The following HNRNPR variants were observed in gnomAD, a reference collection of about 807,000 sequenced individuals.
HNRNPR encodes the protein heterogeneous nuclear ribonucleoprotein R.
HNRNPR carries 4 observed loss-of-function variants against 70.3 expected under a neutral mutation model. The ratio of observed to expected loss-of-function variants is 0.06; its 90% CI spans 0.03 to 0.13. The LOEUF is 0.13. Among genes scored for constraint, HNRNPR ranks in the 10% least tolerant of loss-of-function variants. The probability of loss-of-function intolerance (pLI) is 1.00; values close to 1 mark genes in which losing one functional copy is unlikely to be tolerated. For synonymous variants in HNRNPR, 241 were observed against 267.6 expected, an observed-to-expected ratio of 0.90 and a Z score of 0.97; for missense variants, 423 against 788.5, an observed-to-expected ratio of 0.54 and a Z score of 5.55.
intron 5 of HNRNPR, among the ~76,000 whole-genome samples, 168 bp from the exon 6 acceptor site, chr1:23,323,900 A>G (rs1365194099): frequency 6.6e-6 from 1 of 152,212 alleles, no homozygotes; most frequent in Admixed American, 6.5e-5. Context: ...AATTTTTATT[A>G]TAATGACCTT....
chr1:23,325,670 A>C (rs1344067082), intron 5 of HNRNPR, among the ~76,000 whole-genome samples: 1 of 152,150 alleles, frequency 6.6e-6, no homozygotes, highest in African/African-American at 2.4e-5. Context: ...TAGCCACAAT[A>C]AATAAGCCCA....
intron 5 of HNRNPR, among the ~76,000 whole-genome samples, chr1:23,325,914 G>A (rs757229513): frequency 6.6e-5 from 10 of 152,222 alleles, no homozygotes; most frequent in East Asian, 1.9e-4. Flanking sequence ...AGGCTGCAGC[G>A]CAGTGGCATG....
At chr1:23,332,958 T>A (rs1467997189) in intron 5 of HNRNPR, among the ~76,000 whole-genome samples, 1 of 151,858 alleles carries the variant, frequency 6.6e-6, no homozygotes, top group African/African-American at 2.4e-5. Context: ...CCAAGGTGGG[T>A]GGATAACTTG....
chr1:23,315,278 TCA>T (rs2148333471), intron 8 of HNRNPR, among the ~76,000 whole-genome samples: 1 of 78,856 alleles, frequency 1.3e-5, no homozygotes, highest in Non-Finnish European at 2.1e-5. Context: ...AGGCTCCGTC[TCA>T]AAAAAAAAAA....
chr1:23,321,496 A>G lies in HNRNPR; in HGVS notation c.811+32T>C. On this transcript the variant is annotated intron_variant, in intron 7 of 10. Transcript: ENST00000302271. ...TTGTAAGTAGTACAACATATTTCGC[A>G]AAAGTAATTTCTAAATACATTTTTG... 3 of 1,600,156 alleles carry G rather than the reference A, an allele frequency of 1.9e-6. No individual in the cohort carries two copies. The South Asian group carries it at 3.3e-5, about 18-fold the overall frequency.
chr1:23,325,921 CATGA>C, intron 5 of HNRNPR, among the ~76,000 whole-genome samples: 1 of 152,168 alleles, frequency 6.6e-6, no homozygotes, highest in Non-Finnish European at 1.5e-5. Context: ...AGCGCAGTGG[CATGA>C]TCATGGCTCA....
intron 2 of HNRNPR, among the ~76,000 whole-genome samples, 178 bp from the exon 3 acceptor site, chr1:23,338,786 T>C (rs1646601159): frequency 6.6e-6 from 1 of 152,104 alleles, no homozygotes; most frequent in Non-Finnish European, 1.5e-5. Context: ...AGGACAAATA[T>C]GAAAATAAAG....
intron 8 of HNRNPR, among the ~76,000 whole-genome samples, chr1:23,316,979 A>T (rs1292499942): frequency 6.6e-6 from 1 of 152,184 alleles, no homozygotes; most frequent in African/African-American, 2.4e-5. Flanking sequence ...ATACAAGTAT[A>T]AACCAGAGTT....
intron 3 of HNRNPR, chr1:23,338,093 T>C (rs1055896374): frequency 2.3e-5 from 10 of 437,064 alleles, no homozygotes; most frequent in Admixed American, 3.9e-5. Flanking sequence ...AGTCTTCCAC[T>C]TGTTGATATG....
intron 4 of HNRNPR, among the ~76,000 whole-genome samples, chr1:23,334,959 T>C (rs1007149630): frequency 2.3e-4 from 35 of 151,900 alleles, no homozygotes; most frequent in South Asian, 6.2e-4. Flanking sequence ...GCTCTGTCGC[T>C]CAGGCTGGAG....
intron 8 of HNRNPR, among the ~76,000 whole-genome samples, chr1:23,314,253 A>T (rs890362842): frequency 6.6e-6 from 1 of 152,144 alleles, no homozygotes; most frequent in Non-Finnish European, 1.5e-5. Flanking sequence ...TTTAAATAAT[A>T]AAAGGGTGGA....
At position 23,306,391 on chromosome 1, in the gene HNRNPR, A is replaced by T. The variant is rs191377749; in HGVS notation, c.*4063T>A. Reference sequence around the variant, plus strand: ...TGCCCCACTACTGATAAAAAAAAAAATAGGAAAAAAAAGTTCTTACCAACA... The same window carrying T: ...TGCCCCACTACTGATAAAAAAAAAATTAGGAAAAAAAAGTTCTTACCAACA... On this transcript the variant is annotated 3_prime_UTR_variant, in exon 11 of 11. Coordinates refer to ENST00000302271, the MANE Select transcript of HNRNPR (RefSeq NM_005826.5). 2 of 152,016 alleles carry T rather than the reference A, an allele frequency of 1.3e-5. No homozygotes were observed. Among genetic ancestry groups the T allele is most frequent in the African/African-American group, 4.8e-5 (2 of 41,400 alleles). 9.4% of individuals were successfully genotyped at this position (152,016 alleles called of 1,614,324 possible).
At chr1:23,311,387 T>A in intron 9 of HNRNPR, 65 bp from the exon 10 acceptor site, 2 of 1,039,938 alleles carry the variant, frequency 1.9e-6, no homozygotes, top group South Asian at 1.5e-5. Flanking sequence ...ATATAGTATG[T>A]AAGCTATTAT....
rs1645181539 is a variant in HNRNPR at position 23,304,936 on chromosome 1, G to A, written c.*5518C>T. Reference sequence around the variant, plus strand: ...AGAACATAGTACCTAACATTATAATGGGATTCACTAAGTACAAGTCTACCT... The same window carrying A: ...AGAACATAGTACCTAACATTATAATAGGATTCACTAAGTACAAGTCTACCT... On this transcript the variant is annotated 3_prime_UTR_variant, in exon 11 of 11. Transcript: ENST00000302271. The A allele has an allele frequency of 6.6e-6, 1 of 152,078 alleles. No individual in the cohort carries two copies. The highest frequency in any genetic ancestry group is 2.4e-5 in the African/African-American group (1 of 41,390). 9.4% of individuals were successfully genotyped at this position (152,078 alleles called of 1,614,324 possible). A position where few individuals can be genotyped will look rare whatever the true frequency, so the allele number is the denominator to read the frequency against.
At position 23,318,044 on chromosome 1, in the gene HNRNPR, G is replaced by T. The variant is rs1260445641; in HGVS notation, c.1017+439C>A. On this transcript the variant is annotated intron_variant, in intron 8 of 10. Coordinates refer to ENST00000302271, the MANE Select transcript of HNRNPR (RefSeq NM_005826.5). The surrounding 1 kb of genome is among the most constrained non-coding windows in gnomAD (Gnocchi z 4.2). ...AAACTACAAAAAAAGCTTAAAAAAA[G>T]AAAAATTAGCTATAAATCTAAATAA... Among the ~76,000 whole-genome samples the T allele has an allele frequency of 6.7e-6, 1 of 150,104 alleles. No homozygotes were observed. Among genetic ancestry groups the T allele is most frequent in the Non-Finnish European group, 1.5e-5 (1 of 67,668 alleles).
intron 5 of HNRNPR, among the ~76,000 whole-genome samples, chr1:23,331,811 G>C (rs557916385): frequency 2.6e-4 from 33 of 125,956 alleles, no homozygotes; most frequent in African/African-American, 9.6e-4. Context: ...ACTCCAGTCT[G>C]GGTGACAGTG....
At position 23,323,434 on chromosome 1, in the gene HNRNPR, G is replaced by A. The variant is rs955884645; in HGVS notation, c.675+122C>T. 9.9e-6 allele frequency: 9 copies of A among 904,706 alleles called. No individual in the cohort carries two copies. In the African/African-American group the frequency reaches 1.3e-4, roughly 13 times the overall value. The allele number at this position is 904,706 out of a possible 1,614,324, so 56.0% of individuals were successfully genotyped here. ...TAAACGTCACATACCAACTTGGTCA[G>A]TATAAAAACATTCCAAGCAACAACT... On this transcript the variant is annotated intron_variant, in intron 6 of 10. Transcript: ENST00000302271.
chr1:23,310,626 C>A lies in HNRNPR; in HGVS notation c.1730G>T (p.Gly577Val). The A allele has an allele frequency of 6.2e-7, 1 of 1,614,074 alleles. No homozygotes were observed. ...ACGCTTGGAATCAGGCTGGTTGTAC[C>A]CATCTGCCTTTCTCTTGCCTCCTAC... ...GNVGGKRKADGYNQPDSKRRQ... is the reference protein window; with the variant it reads ...GNVGGKRKADVYNQPDSKRRQ... The change falls in exon 11 of 11, where the codon GGG becomes GTG. Residue 577 changes from glycine to valine, a missense_variant. Gly to Val is a moderately radical substitution (Grantham distance 109). Coordinates refer to ENST00000302271, the MANE Select transcript of HNRNPR (RefSeq NM_005826.5). The surrounding 1 kb of genome is among the most constrained non-coding windows in gnomAD (Gnocchi z 6.0).
rs1325583085 is a variant in HNRNPR at position 23,321,669 on chromosome 1, A to G, written c.676-6T>C. 5 of 1,604,248 alleles carry G rather than the reference A, an allele frequency of 3.1e-6. No individual in the cohort carries two copies. The highest frequency in any genetic ancestry group is 1.7e-4 in the Middle Eastern group (1 of 6,014). ...CGAATTTCATAGCTGTCACACTGCA[A>G]TAAGAAAAGAACCAGAGACCCCAAA... On this transcript the variant is annotated splice_region_variant and splice_polypyrimidine_tract_variant and intron_variant, in intron 6 of 10. Coordinates refer to ENST00000302271, the MANE Select transcript of HNRNPR (RefSeq NM_005826.5).
Sources: allele counts gnomAD v4.1 joint callset (sites outside exome capture counted in the v4.1 genomes callset), GRCh38; gene constraint gnomAD v4.1.1; non-coding constraint Gnocchi (gnomAD v3.1); transcripts MANE v1.5; gene names NCBI Gene and HGNC (gene_info 2026-07-23, HGNC 2026-07-21).